Variants in CDCA5 observed in about 807,000 individuals in gnomAD.
CDCA5 encodes the protein cell division cycle associated 5.
CDCA5 carries 14 observed loss-of-function variants against 25.7 expected under a neutral mutation model. The ratio of observed to expected loss-of-function variants is 0.54; its 90% CI spans 0.36 to 0.85. CDCA5 has a LOEUF of 0.85. Ranked by LOEUF, CDCA5 falls within the 40% of genes least tolerant of loss-of-function variation. The probability of loss-of-function intolerance (pLI) is 0.01; values close to 1 mark genes in which losing one functional copy is unlikely to be tolerated. For synonymous variants in CDCA5, 127 were observed against 128.7 expected (o/e 0.99, Z 0.09); for missense variants, 307 against 324.5 (o/e 0.95, Z 0.41).
At chr11:65,073,747 G>A (rs1027631048), downstream of CDCA5, among the ~76,000 whole-genome samples, 92 of 152,156 alleles carry the variant, frequency 6.0e-4, no homozygotes, top group African/African-American at 2.1e-3. Context: ...AGGATGCTGG[G>A]GAGTCACAGA....
intron 4 of CDCA5, among the ~76,000 whole-genome samples, chr11:65,081,439 A>C (rs894636449): frequency 7.9e-5 from 12 of 151,686 alleles, no homozygotes; most frequent in African/African-American, 2.9e-4. Context: ...AAAAAAAAAA[A>C]CACAGGGAAG....
downstream of CDCA5, among the ~76,000 whole-genome samples, chr11:65,062,128 C>G (rs989273044): frequency 6.6e-6 from 1 of 152,204 alleles, no homozygotes; most frequent in Non-Finnish European, 1.5e-5. Flanking sequence ...CCATGTTGGT[C>G]AGGCTGGTCT....
intron 5 of CDCA5, chr11:65,066,808 C>T: frequency 7.8e-7 from 1 of 1,289,364 alleles, no homozygotes; most frequent in Non-Finnish European, 1.0e-6. Context: ...GGCTCAGGGT[C>T]TTACCAGGTT....
Position 65,083,457 on chromosome 11 carries a change from C to T in CDCA5, c.207+28G>A, listed in dbSNP as rs1240464521. 7 of 1,614,078 alleles carry T rather than the reference C, an allele frequency of 4.3e-6. No homozygotes were observed. In the South Asian group the frequency reaches 6.6e-5, roughly 15 times the overall value. On this transcript the variant is annotated intron_variant, in intron 3 of 5. Coordinates refer to ENST00000275517, the MANE Select transcript of CDCA5 (RefSeq NM_080668.4). ...TGGTCCCCAGTTTTGCCCGCCTAAC[C>T]ACCCACAACACTCTCCTTAGCCTTT... is the stretch of plus-strand genomic sequence containing the variant.
chr11:65,072,155 T>C (rs1947353712), intron 1 of CDCA5, among the ~76,000 whole-genome samples: 1 of 152,182 alleles, frequency 6.6e-6, no homozygotes, highest in African/African-American at 2.4e-5. Context: ...GTTAGAGAGA[T>C]GGAATTGGCC....
At chr11:65,063,679 A>G (rs997788420), downstream of CDCA5, among the ~76,000 whole-genome samples, 5 of 152,190 alleles carry the variant, frequency 3.3e-5, no homozygotes, top group Non-Finnish European at 7.4e-5. Flanking sequence ...CACTAGAGAA[A>G]TGGTGCCAGC....
downstream of CDCA5, among the ~76,000 whole-genome samples, chr11:65,064,446 GTC>G (rs1480193995): frequency 2.7e-5 from 4 of 147,470 alleles, no homozygotes; most frequent in African/African-American, 1.0e-4. Context: ...AGCATAATTA[GTC>G]TCTCTCTGTG....
downstream of CDCA5, among the ~76,000 whole-genome samples, chr11:65,072,750 G>A (rs1947363833): frequency 1.3e-5 from 2 of 152,080 alleles, no homozygotes; most frequent in South Asian, 4.1e-4. Flanking sequence ...CCTCCAGCCT[G>A]AGCTGGAGTT....
intron 4 of CDCA5, among the ~76,000 whole-genome samples, chr11:65,081,295 G>C (rs1947560741): frequency 7.0e-6 from 1 of 143,216 alleles, no homozygotes; most frequent in African/African-American, 2.6e-5. Context: ...AGGTGTGGTA[G>C]CAGGTGCCTG....
downstream of CDCA5, among the ~76,000 whole-genome samples, chr11:65,062,665 C>T (rs1947196400): frequency 2.0e-5 from 3 of 152,172 alleles, no homozygotes; most frequent in South Asian, 6.2e-4. Context: ...GGTGCAGTGG[C>T]TCATACCTAT....
At position 65,079,086 on chromosome 11, in the gene CDCA5, A is replaced by G. The variant is rs200160379; in HGVS notation, c.*21T>C. 1.7e-5 allele frequency: 25 copies of G among 1,512,014 alleles called. No homozygotes were observed. In the African/African-American group the frequency reaches 3.5e-4, roughly 21 times the overall value. The allele number at this position is 1,512,014 out of a possible 1,614,324, so 93.7% of individuals were successfully genotyped here. A position where few individuals can be genotyped will look rare whatever the true frequency, so the allele number is the denominator to read the frequency against. On this transcript the variant is annotated 3_prime_UTR_variant, in exon 6 of 6. Coordinates refer to ENST00000275517, the MANE Select transcript of CDCA5 (RefSeq NM_080668.4). ...ACAGGACAGGAGGGAGAGTCTGGCC[A>G]GGTGCACCCCCCACTGCATCTCATT...
chr11:65,083,296 CAATGTGTGCTGTCCAGCTCT>C, intron 4 of CDCA5, 48 bp downstream of exon 4: 2 of 1,578,858 alleles, frequency 1.3e-6, no homozygotes, highest in Admixed American at 3.3e-5. Flanking sequence ...TGTGAGGAGC[CAATGTGTGCTGTCCAGCTCT>C]AGAGTGACCC....
intron 1 of CDCA5, among the ~76,000 whole-genome samples, chr11:65,072,133 C>T (rs1947353549): frequency 6.6e-6 from 1 of 152,246 alleles, no homozygotes; most frequent in Non-Finnish European, 1.5e-5. Flanking sequence ...CATCAACCTC[C>T]TGACCAACTC....
the CDCA5 span, among the ~76,000 whole-genome samples, chr11:65,061,123 C>T: frequency 6.6e-6 from 1 of 152,200 alleles, no homozygotes; most frequent in Non-Finnish European, 1.5e-5. Context: ...GCTTCTTCTG[C>T]GCCTGCACCC....
chr11:65,079,953 T>C (rs978452784), intron 4 of CDCA5, among the ~76,000 whole-genome samples, 166 bp from the exon 5 acceptor site: 2 of 150,412 alleles, frequency 1.3e-5, no homozygotes, highest in Non-Finnish European at 3.0e-5. Context: ...TGCAGTGGCA[T>C]GATCTCGGCT....
chr11:65,076,424 T>C (rs1365305767), downstream of CDCA5, among the ~76,000 whole-genome samples: 2 of 152,098 alleles, frequency 1.3e-5, no homozygotes, highest in Non-Finnish European at 2.9e-5. Context: ...CTGGTTGTCA[T>C]TTTTTAACAA....
chr11:65,073,572 C>T (rs1042695779), downstream of CDCA5, among the ~76,000 whole-genome samples: 1 of 152,216 alleles, frequency 6.6e-6, no homozygotes, highest in Admixed American at 6.5e-5. Flanking sequence ...CTCCAAGCAG[C>T]TCGCAGCCTG....
chr11:65,079,889 C>CA, intron 4 of CDCA5, 102 bp from the exon 5 acceptor site: 1 of 780,172 alleles, frequency 1.3e-6, no homozygotes, highest in Non-Finnish European at 1.8e-6. Context: ...ACAGGACACA[C>CA]ACTTTTTTTT....
At chr11:65,064,962 C>T (rs566308057), downstream of CDCA5, among the ~76,000 whole-genome samples, 3 of 152,318 alleles carry the variant, frequency 2.0e-5, no homozygotes, top group African/African-American at 7.2e-5. Context: ...AGCACTTCAT[C>T]AGTTACTTTG....
Sources: gnomAD v4.1 joint callset for allele counts (sites outside exome capture counted in the v4.1 genomes callset) on GRCh38, gnomAD v4.1.1 for gene constraint, MANE v1.5 for transcripts, NCBI Gene and HGNC (gene_info 2026-07-23, HGNC 2026-07-21) for gene names.